KAT6B: variants seen among roughly 807,000 people sequenced by gnomAD.
The protein encoded by KAT6B is lysine acetyltransferase 6B.
Under a neutral mutation model 187.5 loss-of-function variants are expected in KAT6B, and 10 were observed. That is an observed-to-expected ratio of 0.05 (90% CI 0.03 to 0.09). The LOEUF (loss-of-function observed/expected upper bound fraction) is 0.09. Among genes scored for constraint, KAT6B ranks in the 10% least tolerant of loss-of-function variants. KAT6B has a pLI of 1.00. For synonymous variants in KAT6B, 861 were observed against 926.8 expected (o/e 0.93, Z 1.29); for missense variants, 1,952 against 2,558.9 (o/e 0.76, Z 5.12).
intron 4 of KAT6B, among the ~76,000 whole-genome samples, chr10:74,965,459 C>T (rs1278043660): frequency 6.6e-6 from 1 of 152,168 alleles, no homozygotes; most frequent in African/African-American, 2.4e-5. Context: ...CTTTTCCTCA[C>T]TGTATCCAGT....
intron 6 of KAT6B, among the ~76,000 whole-genome samples, chr10:74,970,925 G>A (rs909919939): frequency 1.3e-5 from 2 of 152,064 alleles, no homozygotes; most frequent in African/African-American, 2.4e-5. Flanking sequence ...TAATAAGTAT[G>A]TAGAACTCCA....
At chr10:74,921,235 C>T (rs1848098958) in intron 3 of KAT6B, among the ~76,000 whole-genome samples, 1 of 151,620 alleles carries the variant, frequency 6.6e-6, no homozygotes, top group Non-Finnish European at 1.5e-5. Context: ...CTGCCTCATC[C>T]TCCTGAGTAG....
intron 3 of KAT6B, among the ~76,000 whole-genome samples, chr10:74,929,571 C>CA (rs1260016893): frequency 2.6e-5 from 4 of 151,468 alleles, no homozygotes; most frequent in Admixed American, 6.6e-5. Flanking sequence ...ATGGTCATGT[C>CA]AAAAAAAACC....
At chr10:74,929,301 G>C (rs1039088759) in intron 3 of KAT6B, among the ~76,000 whole-genome samples, 1 of 152,126 alleles carries the variant, frequency 6.6e-6, no homozygotes, top group Non-Finnish European at 1.5e-5. Context: ...AATACTGGCC[G>C]CCTGAGTTCT....
intron 1 of KAT6B, among the ~76,000 whole-genome samples, chr10:74,837,617 T>C (rs796441985): frequency 1.2e-4 from 18 of 152,304 alleles, no homozygotes; most frequent in African/African-American, 4.3e-4. Flanking sequence ...TTTTTTCCTG[T>C]GGATTTGTCT....
At chr10:74,963,864 C>G (rs1047438486) in intron 4 of KAT6B, among the ~76,000 whole-genome samples, 6 of 152,124 alleles carry the variant, frequency 3.9e-5, no homozygotes, top group African/African-American at 1.4e-4. Context: ...TGGCTCACGC[C>G]TGTAGTCCCA....
At chr10:74,853,963 A>G (rs755136027) in intron 3 of KAT6B, among the ~76,000 whole-genome samples, 1 of 152,086 alleles carries the variant, frequency 6.6e-6, no homozygotes, top group Non-Finnish European at 1.5e-5. Context: ...ATGTGTTTTA[A>G]TTGTAAAATT....
chr10:74,910,646 A>G (rs1847136621), intron 3 of KAT6B, among the ~76,000 whole-genome samples: 1 of 149,558 alleles, frequency 6.7e-6, no homozygotes, highest in South Asian at 2.1e-4. Context: ...TCCATATTCC[A>G]TTATCTGCAT....
intron 13 of KAT6B, among the ~76,000 whole-genome samples, chr10:75,002,251 C>T (rs1254719153): frequency 1.3e-5 from 2 of 152,010 alleles, no homozygotes; most frequent in African/African-American, 4.8e-5. Flanking sequence ...AGTAAATATT[C>T]CACTTTCCCC....
At position 75,028,675 on chromosome 10, in the gene KAT6B, A is replaced by T; in HGVS notation, c.3851A>T (p.Asp1284Val). Residue 1284 changes from aspartate (D) to valine (V), a missense_variant, in exon 18 of 18, where the codon GAC becomes GTC. Coordinates refer to ENST00000287239, the MANE Select transcript of KAT6B (RefSeq NM_012330.4). ...CCGCCAGAAACACCCATGGAGCCTG[A>T]CGAGCAGGTAACAGTGGAAGAACAG... is the stretch of plus-strand genomic sequence containing the variant. ...YTPPETPMEP[D>V]EQVTVEEQKE... 1 of 1,614,114 alleles carries T rather than the reference A, an allele frequency of 6.2e-7. No individual in the cohort carries two copies. Among genetic ancestry groups the T allele is most frequent in the Non-Finnish European group, 8.5e-7 (1 of 1,180,040 alleles).
At chr10:74,961,759 T>C (rs1841110747) in intron 4 of KAT6B, among the ~76,000 whole-genome samples, 1 of 152,232 alleles carries the variant, frequency 6.6e-6, no homozygotes, top group Non-Finnish European at 1.5e-5. Context: ...CCCTGGTGTT[T>C]CTTACTTTTC....
chr10:74,907,590 G>A (rs1478729669), intron 3 of KAT6B, among the ~76,000 whole-genome samples: 1 of 151,998 alleles, frequency 6.6e-6, no homozygotes, highest in Non-Finnish European at 1.5e-5. Flanking sequence ...GCAATGGCAT[G>A]GTCTCGGCTC....
intron 7 of KAT6B, among the ~76,000 whole-genome samples, chr10:74,973,223 T>G (rs971661605): frequency 6.6e-6 from 1 of 152,234 alleles, no homozygotes; most frequent in African/African-American, 2.4e-5. Context: ...ATATTCGCAG[T>G]GGCCTGGAAA....
chr10:74,990,942 T>C (rs1040192157), intron 13 of KAT6B, among the ~76,000 whole-genome samples: 1 of 152,244 alleles, frequency 6.6e-6, no homozygotes. Flanking sequence ...AGTCTGAGCA[T>C]GGTCCTATAC....
intron 3 of KAT6B, among the ~76,000 whole-genome samples, chr10:74,897,395 C>T (rs573475705): frequency 3.9e-5 from 6 of 152,172 alleles, no homozygotes; most frequent in African/African-American, 1.4e-4. Context: ...TGTTTTCTGC[C>T]TGGGGAAGAA....
chr10:74,889,855 G>A (rs1312381517), intron 3 of KAT6B, among the ~76,000 whole-genome samples: 1 of 152,130 alleles, frequency 6.6e-6, no homozygotes, highest in Non-Finnish European at 1.5e-5. Flanking sequence ...AGTAAAAGCT[G>A]TGTTGTGAAG....
intron 3 of KAT6B, among the ~76,000 whole-genome samples, chr10:74,937,855 A>G (rs1193966624): frequency 1.3e-5 from 2 of 152,198 alleles, no homozygotes; most frequent in Non-Finnish European, 1.5e-5. Context: ...AACTACTGCA[A>G]TTGCTGTCAC....
At chr10:74,976,726 G>A (rs893191465) in intron 8 of KAT6B, 7 of 315,216 alleles carry the variant, frequency 2.2e-5, no homozygotes, top group Non-Finnish European at 3.6e-5. Context: ...TCCAACAGGG[G>A]GTGTTTCAGC....
intron 3 of KAT6B, among the ~76,000 whole-genome samples, chr10:74,871,754 C>G (rs1430463087): frequency 6.6e-6 from 1 of 152,150 alleles, no homozygotes; most frequent in Non-Finnish European, 1.5e-5. Flanking sequence ...TATGGTTTAG[C>G]ATGCCAGAAC....
Sources: gnomAD v4.1 joint callset for allele counts (sites outside exome capture counted in the v4.1 genomes callset) on GRCh38, gnomAD v4.1.1 for gene constraint, MANE v1.5 for transcripts, NCBI Gene and HGNC (gene_info 2026-07-23, HGNC 2026-07-21) for gene names.